NECTIN2: variants seen among roughly 807,000 people sequenced by gnomAD.
NECTIN2 encodes the protein nectin-2.
NECTIN2 carries 23 observed loss-of-function variants against 56.9 expected under a neutral mutation model. The ratio of observed to expected loss-of-function variants is 0.40; its 90% CI spans 0.29 to 0.57. The LOEUF (loss-of-function observed/expected upper bound fraction) is 0.57. Among genes scored for constraint, NECTIN2 ranks in the 20% least tolerant of loss-of-function variants. The pLI is 0.38. For synonymous variants in NECTIN2, 302 were observed against 313.8 expected, an observed-to-expected ratio of 0.96 and a Z score of 0.40; for missense variants, 587 against 718.3, an observed-to-expected ratio of 0.82 and a Z score of 2.09.
At chr19:44,863,427 CA>C (rs1330867350) in intron 1 of NECTIN2, among the ~76,000 whole-genome samples, 1 of 151,694 alleles carries the variant, frequency 6.6e-6, no homozygotes, top group Admixed American at 6.6e-5. Context: ...GACCCTGTCT[CA>C]AAAAAGAAAA....
At chr19:44,852,436 T>G (rs76528265) in intron 1 of NECTIN2, among the ~76,000 whole-genome samples, 1,958 of 16,664 alleles carry the variant, frequency 0.12, 49 homozygotes, top group African/African-American at 0.28. Context: ...GTTTTTTTTG[T>G]TTTTTTTTTG....
intron 1 of NECTIN2, among the ~76,000 whole-genome samples, 200 bp downstream of exon 1, chr19:44,846,813 C>T (rs945287095): frequency 1.3e-5 from 2 of 150,978 alleles, no homozygotes; most frequent in African/African-American, 4.9e-5. Flanking sequence ...CTCCTTTCTG[C>T]ATCTCTCTCA....
At chr19:44,855,426 A>G (rs944949105) in intron 1 of NECTIN2, among the ~76,000 whole-genome samples, 25 of 150,788 alleles carry the variant, frequency 1.7e-4, no homozygotes, top group Admixed American at 5.3e-4. Flanking sequence ...ATCTGTCTCA[A>G]AAAAAAAAGA....
intron 2 of NECTIN2, among the ~76,000 whole-genome samples, chr19:44,867,975 G>A (rs982731560): frequency 2.6e-5 from 4 of 152,090 alleles, no homozygotes; most frequent in South Asian, 2.1e-4. Flanking sequence ...ATGAGGCAGT[G>A]GGGGGCAGAG....
rs774883845 is a variant in NECTIN2 at position 44,888,218 on chromosome 19, G to C, written c.1456G>C (p.Ala486Pro). The C allele has an allele frequency of 6.2e-7, 1 of 1,614,164 alleles. No individual in the cohort carries two copies. Among genetic ancestry groups the C allele is most frequent in the South Asian group, 1.1e-5 (1 of 91,088 alleles). Residue 486 changes from alanine to proline, a missense_variant, in exon 9 of 9, where the codon GCT (alanine) becomes CCT (proline). Transcript: ENST00000252483. Reference sequence around the variant, plus strand: ...CATCCCGGTGCCTCCAGGGCCACCTGCTGTGGAAGACGTTTCCCTGGATCT... The same window carrying C: ...CATCCCGGTGCCTCCAGGGCCACCTCCTGTGGAAGACGTTTCCCTGGATCT... ...SPIPVPPGPP[A>P]VEDVSLDLED...
At chr19:44,884,591 G>A (rs1369127593) in intron 6 of NECTIN2, among the ~76,000 whole-genome samples, 1 of 152,216 alleles carries the variant, frequency 6.6e-6, no homozygotes, top group Non-Finnish European at 1.5e-5. Context: ...TCCATGCTGT[G>A]ACCCACTGTG....
At chr19:44,867,510 G>A (rs1045160949) in intron 2 of NECTIN2, among the ~76,000 whole-genome samples, 2 of 152,166 alleles carry the variant, frequency 1.3e-5, no homozygotes, top group East Asian at 1.9e-4. Flanking sequence ...AGTCCAGTCC[G>A]GGCAGGAAGT....
chr19:44,880,604 C>T (rs2122706692), intron 5 of NECTIN2, among the ~76,000 whole-genome samples: 1 of 145,556 alleles, frequency 6.9e-6, no homozygotes, highest in African/African-American at 2.5e-5. Context: ...TCTCCTGTCT[C>T]AGCCTCTTGA....
chr19:44,856,584 C>T (rs542697080), intron 1 of NECTIN2, among the ~76,000 whole-genome samples: 1 of 152,306 alleles, frequency 6.6e-6, no homozygotes, highest in South Asian at 2.1e-4. Flanking sequence ...CTTTCCTTGA[C>T]CCTCATTGAG....
intron 1 of NECTIN2, among the ~76,000 whole-genome samples, chr19:44,855,357 G>A (rs986282439): frequency 9.2e-5 from 14 of 151,982 alleles, no homozygotes; most frequent in Admixed American, 2.6e-4. Context: ...CCTGGGAGGC[G>A]GAGGTTGCAG....
chr19:44,874,081 G>C lies in NECTIN2; in HGVS notation c.893+48G>C, dbSNP rs759558420. ...CCTGGGTCTGAGGGAGGCGGGGCTG[G>C]GGGCCTGGACTCCTGGATCTAAGGG... On this transcript the variant is annotated intron_variant, in intron 4 of 8. Transcript: ENST00000252483. The surrounding 1 kb of genome is among the most constrained non-coding windows in gnomAD (Gnocchi z 6.3). 5 of 1,476,672 alleles carry C rather than the reference G, an allele frequency of 3.4e-6. No individual in the cohort carries two copies. In the East Asian group the frequency reaches 9.1e-5, roughly 27 times the overall value. The allele number at this position is 1,476,672 out of a possible 1,614,324, so 91.5% of individuals were successfully genotyped here.
At chr19:44,859,438 C>G (rs1253364856) in intron 1 of NECTIN2, among the ~76,000 whole-genome samples, 1 of 152,150 alleles carries the variant, frequency 6.6e-6, no homozygotes. Context: ...AGCCAGGATT[C>G]AAACCCATGA....
chr19:44,850,114 C>T (rs556659311), intron 1 of NECTIN2, among the ~76,000 whole-genome samples: 1 of 152,086 alleles, frequency 6.6e-6, no homozygotes, highest in Non-Finnish European at 1.5e-5. Flanking sequence ...GCAGGAGAAT[C>T]GTTTGAACCG....
In NECTIN2 at chr19:44,846,611, C is replaced by T. The variant is rs961487602; in HGVS notation, c.86C>T (p.Thr29Ile). The T allele has an allele frequency of 6.6e-7, 1 of 1,525,354 alleles. No individual in the cohort carries two copies. Among genetic ancestry groups the T allele is most frequent in the South Asian group, 1.2e-5 (1 of 83,348 alleles). The allele number at this position is 1,525,354 out of a possible 1,614,324, so 94.5% of individuals were successfully genotyped here. A position where few individuals can be genotyped will look rare whatever the true frequency, so the allele number is the denominator to read the frequency against. ...CTGCTGCTGCTGCTGCTCCTGGAAA[C>T]CGGTGAGACGAGCGGACGGCCCCCT... ...WPLLLLLLLETGAQDVRVQVL... is the reference protein window; with the variant it reads ...WPLLLLLLLEIGAQDVRVQVL... The change falls in exon 1 of 9, where the codon ACC becomes ATC. Residue 29 changes from threonine to isoleucine, a missense_variant and splice_region_variant. Thr to Ile is a moderately conservative substitution (Grantham distance 89). Coordinates refer to ENST00000252483, the MANE Select transcript of NECTIN2 (RefSeq NM_001042724.2).
intron 5 of NECTIN2, among the ~76,000 whole-genome samples, chr19:44,880,875 C>A (rs1969300955): frequency 6.6e-6 from 1 of 151,586 alleles, no homozygotes; most frequent in African/African-American, 2.4e-5. Flanking sequence ...CAGGTTCAAG[C>A]AATTCTCCTG....
intron 1 of NECTIN2, among the ~76,000 whole-genome samples, chr19:44,862,484 A>AAAAT (rs988495239): frequency 6.6e-6 from 1 of 152,102 alleles, no homozygotes; most frequent in African/African-American, 2.4e-5. Context: ...AAAAAGAAAG[A>AAAAT]AAATGTGGTA....
rs754257691 is a variant in NECTIN2 at position 44,872,386 on chromosome 19, G to A, written c.775+237G>A. ...GCTGTGCCTAGTCTGTGGTAACCTG[G>A]GATGGGCTTGCAAGAGCCAGTTTGA... is the stretch of plus-strand genomic sequence containing the variant. On this transcript the variant is annotated intron_variant, in intron 3 of 8. Transcript: ENST00000252483. Among the ~76,000 whole-genome samples, 3 of 151,928 alleles carry A rather than the reference G, an allele frequency of 2.0e-5. No homozygotes were observed. In the East Asian group the frequency reaches 5.8e-4, roughly 29 times the overall value.
At chr19:44,848,997 A>G (rs1968870461) in intron 1 of NECTIN2, among the ~76,000 whole-genome samples, 1 of 152,092 alleles carries the variant, frequency 6.6e-6, no homozygotes. Context: ...GGAGGGGAGC[A>G]GAGGGACGGC....
chr19:44,872,613 G>A (rs1273833371), intron 3 of NECTIN2, among the ~76,000 whole-genome samples: 1 of 151,708 alleles, frequency 6.6e-6, no homozygotes, highest in Non-Finnish European at 1.5e-5. Flanking sequence ...ACTGCCCCTG[G>A]ACCGTTAGAT....
Sources: allele counts gnomAD v4.1 joint callset (sites outside exome capture counted in the v4.1 genomes callset), GRCh38; gene constraint gnomAD v4.1.1; non-coding constraint Gnocchi (gnomAD v3.1); transcripts MANE v1.5; gene names NCBI Gene and HGNC (gene_info 2026-07-23, HGNC 2026-07-21).